CSNK1G2: variants seen among roughly 807,000 people sequenced by gnomAD.
CSNK1G2 encodes casein kinase I isoform gamma-2.
CSNK1G2 carries 11 observed loss-of-function variants against 48.0 expected under a neutral mutation model. That is an observed-to-expected ratio of 0.23 (90% CI 0.14 to 0.38). CSNK1G2 has a LOEUF of 0.38. Among genes scored for constraint, CSNK1G2 ranks in the 10% least tolerant of loss-of-function variants. CSNK1G2 has a pLI of 1.00. For synonymous variants in CSNK1G2, 337 were observed against 254.1 expected, an observed-to-expected ratio of 1.33 and a Z score of -3.10; for missense variants, 446 against 595.5, an observed-to-expected ratio of 0.75 and a Z score of 2.61.
chr19:1,952,284 T>C (rs149057147), intron 1 of CSNK1G2, among the ~76,000 whole-genome samples: 2,205 of 150,972 alleles, frequency 0.015, 25 homozygotes, highest in Non-Finnish European at 0.02. Flanking sequence ...GCACTGATGA[T>C]GCCCGAGTGG....
intron 1 of CSNK1G2, among the ~76,000 whole-genome samples, chr19:1,949,328 C>A (rs1203884024): frequency 1.3e-5 from 2 of 152,242 alleles, no homozygotes; most frequent in African/African-American, 2.4e-5. Context: ...CAGCCCCTGG[C>A]ACCCCCATCC....
Position 1,980,542 on chromosome 19 carries a change from G to A in CSNK1G2, c.*339G>A, listed in dbSNP as rs1410255564. On this transcript the variant is annotated 3_prime_UTR_variant, in exon 12 of 12. Coordinates refer to ENST00000255641, the MANE Select transcript of CSNK1G2 (RefSeq NM_001319.7). Reference sequence around the variant, plus strand: ...GTTTCTTTGCTGAAGTGAGTAGTGTGATCCTGGAGGCCCCCCGGCCTGGCC... The same window carrying A: ...GTTTCTTTGCTGAAGTGAGTAGTGTAATCCTGGAGGCCCCCCGGCCTGGCC... 1.5e-5 allele frequency: 5 copies of A among 342,114 alleles called. No homozygotes were observed. The highest frequency in any genetic ancestry group is 9.5e-4 in the Middle Eastern group (1 of 1,054). The allele number at this position is 342,114 out of a possible 1,614,324, so 21.2% of individuals were successfully genotyped here. A position where few individuals can be genotyped will look rare whatever the true frequency, so the allele number is the denominator to read the frequency against.
chr19:1,972,858 A>G (rs962606800), intron 2 of CSNK1G2, among the ~76,000 whole-genome samples: 1 of 151,352 alleles, frequency 6.6e-6, no homozygotes. Context: ...TCCTGACCTC[A>G]GGTGATCCAC....
chr19:1,944,703 G>T (rs1464352248), intron 1 of CSNK1G2, among the ~76,000 whole-genome samples: 1 of 150,468 alleles, frequency 6.6e-6, no homozygotes, highest in Non-Finnish European at 1.5e-5. Flanking sequence ...TGGGTGGGGG[G>T]GGGTACCCCT....
chr19:1,975,598 G>A lies in CSNK1G2; in HGVS notation c.188-2707G>A. The A allele has an allele frequency of 1.1e-5, 11 of 985,460 alleles. No individual in the cohort carries two copies. The South Asian group carries it at 1.9e-4, about 17-fold the overall frequency. 61.0% of individuals were successfully genotyped at this position (985,460 alleles called of 1,614,324 possible). A position where few individuals can be genotyped will look rare whatever the true frequency, so the allele number is the denominator to read the frequency against. On this transcript the variant is annotated intron_variant, in intron 2 of 11. Transcript: ENST00000255641. ...AGGGGCAGCCTTTTGGGCGGGGAAG[G>A]GGGGATGAATCCACTGTGAATCCCA...
At chr19:1,973,246 C>T (rs995401932) in intron 2 of CSNK1G2, among the ~76,000 whole-genome samples, 2 of 151,494 alleles carry the variant, frequency 1.3e-5, no homozygotes, top group African/African-American at 2.4e-5. Context: ...TTTTTTGAGA[C>T]AGAGTCTCAC....
At chr19:1,966,723 T>C (rs1464506360) in intron 1 of CSNK1G2, among the ~76,000 whole-genome samples, 3 of 152,126 alleles carry the variant, frequency 2.0e-5, no homozygotes, top group East Asian at 3.9e-4. Context: ...TTTGTGGTCA[T>C]AGTTTAAGAA....
intron 1 of CSNK1G2, among the ~76,000 whole-genome samples, chr19:1,943,722 G>A (rs140759878): frequency 0.011 from 1,687 of 152,304 alleles, 20 homozygotes; most frequent in Middle Eastern, 0.037. Context: ...TGGGACGGAC[G>A]GAAGCTGAGC....
chr19:1,956,880 A>T (rs938065082), intron 1 of CSNK1G2, among the ~76,000 whole-genome samples: 5 of 152,188 alleles, frequency 3.3e-5, no homozygotes, highest in Non-Finnish European at 5.9e-5. Context: ...AGCCTCGATG[A>T]ACCTGGCCAG....
intron 11 of CSNK1G2, 37 bp downstream of exon 11, chr19:1,980,054 G>A (rs1005227269): frequency 9.5e-6 from 15 of 1,585,862 alleles, no homozygotes; most frequent in East Asian, 2.2e-5. Context: ...GGAGGTGGGG[G>A]TGCCCTGGGT....
chr19:1,944,030 A>G (rs2014464027), intron 1 of CSNK1G2, among the ~76,000 whole-genome samples: 1 of 151,760 alleles, frequency 6.6e-6, no homozygotes, highest in Admixed American at 6.6e-5. Flanking sequence ...GAGGGGACAC[A>G]GGGCCCATGT....
At chr19:1,972,958 C>T (rs1290467788) in intron 2 of CSNK1G2, among the ~76,000 whole-genome samples, 6 of 137,938 alleles carry the variant, frequency 4.3e-5, no homozygotes, top group Non-Finnish European at 9.2e-5. Context: ...GACAGAGTCT[C>T]GCTCTGTCAC....
Position 1,978,411 on chromosome 19 carries a change from G to T in CSNK1G2, c.229-31G>T. The stretch of plus-strand genomic sequence containing the variant: ...CCAGGGATTTCAGGGCAGCGACCCG[G>T]TCCCCTGGTGACTCGCTCTTGTGCC... On this transcript the variant is annotated intron_variant, in intron 3 of 11. Transcript: ENST00000255641. This position sits in a 1 kb window ranked among gnomAD's most constrained non-coding sequence, Gnocchi z 7.3. The T allele has an allele frequency of 6.2e-7, 1 of 1,611,860 alleles. No individual in the cohort carries two copies. Among genetic ancestry groups the T allele is most frequent in the Non-Finnish European group, 8.5e-7 (1 of 1,179,444 alleles).
At chr19:1,952,874 G>A (rs528956865) in intron 1 of CSNK1G2, 2 of 434,194 alleles carry the variant, frequency 4.6e-6, no homozygotes, top group Non-Finnish European at 4.5e-6. Flanking sequence ...CCCTCGTGGG[G>A]ATCATCACAG....
chr19:1,968,017 G>C (rs374267915), intron 1 of CSNK1G2, among the ~76,000 whole-genome samples: 2 of 44,814 alleles, frequency 4.5e-5, no homozygotes, highest in African/African-American at 2.3e-4. Context: ...CAGTTCTGCA[G>C]GTGGGGGCTC....
intron 1 of CSNK1G2, among the ~76,000 whole-genome samples, chr19:1,963,577 G>A (rs1330849109): frequency 6.8e-6 from 1 of 147,142 alleles, no homozygotes; most frequent in African/African-American, 2.5e-5. Flanking sequence ...GTGTGATCTC[G>A]GCTCACTGCA....
rs1385663274 is a variant in CSNK1G2, at chr19:1,978,286, A to G, written c.188-19A>G. On this transcript the variant is annotated intron_variant, in intron 2 of 11. Transcript: ENST00000255641. The surrounding 1 kb of genome is among the most constrained non-coding windows in gnomAD (Gnocchi z 7.3). ...GGTGGGCCCTGCGCTGGCGGTGCTG[A>G]TGGTCTCTGTCCCCGCAGGAAAGAA... 6.2e-7 allele frequency: 1 copy of G among 1,613,148 alleles called. No homozygotes were observed. Among genetic ancestry groups the G allele is most frequent in the Non-Finnish European group, 8.5e-7 (1 of 1,179,792 alleles).
At chr19:1,944,525 T>C (rs7250675) in intron 1 of CSNK1G2, among the ~76,000 whole-genome samples, 24,096 of 152,176 alleles carry the variant, frequency 0.16, 2,506 homozygotes, top group African/African-American at 0.29. Context: ...GCCGTGCCAG[T>C]GGGAGCAGTG....
chr19:1,956,305 G>C (rs1373574192), intron 1 of CSNK1G2, among the ~76,000 whole-genome samples: 1 of 152,220 alleles, frequency 6.6e-6, no homozygotes, highest in Non-Finnish European at 1.5e-5. Flanking sequence ...TGCAGGTGCA[G>C]CTGGGATGGG....
Sources: allele counts gnomAD v4.1 joint callset (sites outside exome capture counted in the v4.1 genomes callset), GRCh38; gene constraint gnomAD v4.1.1; non-coding constraint Gnocchi (gnomAD v3.1); transcripts MANE v1.5; gene names NCBI Gene and HGNC (gene_info 2026-07-23, HGNC 2026-07-21).